Variants in LAMTOR1 observed in about 807,000 individuals in gnomAD.
LAMTOR1 encodes ragulator complex protein LAMTOR1.
In LAMTOR1, 8 loss-of-function variants were observed where a neutral mutation model predicts 20.5. That is an observed-to-expected ratio of 0.39 (90% CI 0.23 to 0.70). LAMTOR1 has a LOEUF of 0.70. LAMTOR1 is among the 30% of genes least tolerant of loss of function. The pLI is 0.43. For missense variants in LAMTOR1, 135 were observed against 206.2 expected (o/e 0.65, Z 2.11); for synonymous variants, 77 against 80.9 (o/e 0.95, Z 0.26).
At chr11:72,101,841 A>G (rs533352552) in intron 1 of LAMTOR1, among the ~76,000 whole-genome samples, 82 of 152,306 alleles carry the variant, frequency 5.4e-4, no homozygotes, top group South Asian at 2.1e-3. Flanking sequence ...AGAAGCTTGT[A>G]TCCTTTCTCA....
intron 3 of LAMTOR1, 139 bp from the exon 4 acceptor site, chr11:72,098,554 C>T: frequency 1.8e-6 from 2 of 1,101,876 alleles, no homozygotes; most frequent in South Asian, 3.1e-5. Flanking sequence ...CAGCTCATCA[C>T]AGACTCAATC....
chr11:72,099,333 G>C, intron 1 of LAMTOR1, 77 bp from the exon 2 acceptor site: 1 of 1,460,296 alleles, frequency 6.8e-7, no homozygotes, highest in South Asian at 1.4e-5. Context: ...CCTTAGCCCA[G>C]CTCTGACCTT....
In LAMTOR1 at chr11:72,097,662, C is replaced by T; in HGVS notation, c.*160G>A. The T allele has an allele frequency of 6.7e-7, 1 of 1,489,894 alleles. No individual in the cohort carries two copies. 92.3% of individuals were successfully genotyped at this position (1,489,894 alleles called of 1,614,324 possible). A position where few individuals can be genotyped will look rare whatever the true frequency, so the allele number is the denominator to read the frequency against. On this transcript the variant is annotated 3_prime_UTR_variant, in exon 5 of 5. Coordinates refer to ENST00000278671, the MANE Select transcript of LAMTOR1 (RefSeq NM_017907.3). ...TCCCAAAAGGTTCTACCCTCACTTG[C>T]TCAGGCTTCTAGCCTTCCTCTTCTC...
rs1360728849 is a variant in LAMTOR1, at chr11:72,099,209, G to C, written c.90C>G (p.Thr30=). Residue 30 remains threonine, a synonymous_variant, in exon 2 of 5, where the codon ACC becomes ACG. Coordinates refer to ENST00000278671, the MANE Select transcript of LAMTOR1 (RefSeq NM_017907.3). The stretch of plus-strand genomic sequence containing the variant: ...TGGGCTCGGCTCCATTGAGAGCTTT[G>C]GTAGGGGGGCTGCTAGGGTCCAGCA... The part of the protein sequence containing the change: ...KLLLDPSSPP[T]KALNGAEPNY... The C allele has an allele frequency of 1.2e-6, 2 of 1,608,682 alleles. No individual in the cohort carries two copies. Among genetic ancestry groups the C allele is most frequent in the Admixed American group, 1.7e-5 (1 of 59,386 alleles).
chr11:72,099,516 A>G (rs1458834752), intron 1 of LAMTOR1, among the ~76,000 whole-genome samples: 1 of 152,200 alleles, frequency 6.6e-6, no homozygotes, highest in African/African-American at 2.4e-5. Flanking sequence ...AGAGGCACAA[A>G]GCAGGTAGTC....
At position 72,099,242 on chromosome 11, in the gene LAMTOR1, C is replaced by T. The variant is rs754992824; in HGVS notation, c.57G>A (p.Arg19=). 1 of 1,584,444 alleles carries T rather than the reference C, an allele frequency of 6.3e-7. No individual in the cohort carries two copies. The highest frequency in any genetic ancestry group is 2.2e-5 in the East Asian group (1 of 44,514). Residue 19 remains arginine (R), a synonymous_variant, in exon 2 of 5, where the codon CGG becomes CGA. Coordinates refer to ENST00000278671, the MANE Select transcript of LAMTOR1 (RefSeq NM_017907.3). ...NEDSDQDREE[R]KLLLDPSSPP... ...GGCTGCTAGGGTCCAGCAGCAGCTT[C>T]CGCTCCTCTCGGTCCTAGAAGTGGT...
intron 3 of LAMTOR1, 173 bp downstream of exon 3, chr11:72,098,608 G>A (rs1432752068): frequency 1.2e-6 from 1 of 808,538 alleles, no homozygotes; most frequent in Non-Finnish European, 1.9e-6. Flanking sequence ...GAGTGTCACA[G>A]GGTAAACAGG....
In LAMTOR1 at chr11:72,097,491, G is replaced by A. The variant is rs1053511; in HGVS notation, c.*331C>T. On this transcript the variant is annotated 3_prime_UTR_variant, in exon 5 of 5. Coordinates refer to ENST00000278671, the MANE Select transcript of LAMTOR1 (RefSeq NM_017907.3). ...CAGGAGTGACTCTGAGGCCAACAGA[G>A]AGGGTGGGAAGGGGATCTCCCTAGG... 7 of 1,092,390 alleles carry A rather than the reference G, an allele frequency of 6.4e-6. No homozygotes were observed. Among genetic ancestry groups the A allele is most frequent in the Middle Eastern group, 4.1e-4 (1 of 2,460 alleles). 67.7% of individuals were successfully genotyped at this position (1,092,390 alleles called of 1,614,324 possible).
At chr11:72,101,736 A>G (rs941660548) in intron 1 of LAMTOR1, among the ~76,000 whole-genome samples, 1 of 152,324 alleles carries the variant, frequency 6.6e-6, no homozygotes, top group South Asian at 2.1e-4. Flanking sequence ...GCAGTGATTA[A>G]GCACCTTCTC....
At chr11:72,099,034 T>C in intron 2 of LAMTOR1, 77 bp downstream of exon 2, 2 of 1,572,744 alleles carry the variant, frequency 1.3e-6, no homozygotes, top group Non-Finnish European at 1.7e-6. Flanking sequence ...CCCCATGTCC[T>C]GAGCCTGGCT....
Position 72,097,601 on chromosome 11 carries a change from C to A in LAMTOR1, c.*221G>T. The A allele has an allele frequency of 7.3e-7, 1 of 1,367,814 alleles. No individual in the cohort carries two copies. The highest frequency in any genetic ancestry group is 9.5e-7 in the Non-Finnish European group (1 of 1,057,898). The allele number at this position is 1,367,814 out of a possible 1,614,324, so 84.7% of individuals were successfully genotyped here. On this transcript the variant is annotated 3_prime_UTR_variant, in exon 5 of 5. Coordinates refer to ENST00000278671, the MANE Select transcript of LAMTOR1 (RefSeq NM_017907.3). ...ACATACCAGGCTCTGTCCTTTTGGC[C>A]CCCACCCCATCCCTGGCCAGAGCTT...
chr11:72,097,869 G>A lies in LAMTOR1; in HGVS notation c.439C>T (p.Arg147Cys), dbSNP rs1267444953. Residue 147 changes from arginine (R) to cysteine (C), a missense_variant, in exon 5 of 5, where the codon CGT becomes TGT. Physicochemically the swap from Arg to Cys is radical, Grantham distance 180. Transcript: ENST00000278671. ...ACCAGCTCCTCTTTTGCGTCCACAC[G>A]GATCTGAGAAAGTGCACTGTAGGCA... Reference protein sequence around the residue: ...AYAYSALSQIRVDAKEELVVQ... With the variant: ...AYAYSALSQICVDAKEELVVQ... 16 of 1,612,208 alleles carry A rather than the reference G, an allele frequency of 9.9e-6. No homozygotes were observed. Among genetic ancestry groups the A allele is most frequent in the East Asian group, 2.2e-5 (1 of 44,812 alleles).
In LAMTOR1 at chr11:72,099,168, G is replaced by A. The variant is rs773514977; in HGVS notation, c.131C>T (p.Pro44Leu). 58 of 1,613,698 alleles carry A rather than the reference G, an allele frequency of 3.6e-5. No homozygotes were observed. Among genetic ancestry groups the A allele is most frequent in the Admixed American group, 6.7e-5 (4 of 59,966 alleles). ...GGCCTGCTCATCAGTGCGAGCGGAA[G>A]GCAGGCTGTGGTAGTTGGGCTCGGC... ...NGAEPNYHSL[P>L]SARTDEQALL... is the part of the protein sequence containing the mutation. The change falls in exon 2 of 5, where the codon CCT becomes CTT. Residue 44 changes from proline to leucine, a missense_variant. Coordinates refer to ENST00000278671, the MANE Select transcript of LAMTOR1 (RefSeq NM_017907.3).
chr11:72,102,510 G>A (rs992287217), intron 1 of LAMTOR1, among the ~76,000 whole-genome samples: 1 of 152,226 alleles, frequency 6.6e-6, no homozygotes, highest in Non-Finnish European at 1.5e-5. Flanking sequence ...GCCCCAGGCA[G>A]ACTGCACTGA....
intron 1 of LAMTOR1, 37 bp downstream of exon 1, chr11:72,103,146 A>G (rs1456541977): frequency 6.4e-7 from 1 of 1,572,102 alleles, no homozygotes. Context: ...CCAGTGTCTT[A>G]GCCCTCATTC....
chr11:72,099,950 T>C (rs940573779), intron 1 of LAMTOR1, among the ~76,000 whole-genome samples: 2 of 152,158 alleles, frequency 1.3e-5, no homozygotes, highest in Admixed American at 6.5e-5. Context: ...TGAGTGTACA[T>C]GGTGTATCCT....
In LAMTOR1 at chr11:72,097,895, T is replaced by A. The variant is rs765114327; in HGVS notation, c.413A>T (p.Tyr138Phe). ...DLQQVSRIAAYAYSALSQIRV... is the reference protein window; with the variant it reads ...DLQQVSRIAAFAYSALSQIRV... Reference sequence around the variant, plus strand: ...GATCTGAGAAAGTGCACTGTAGGCATAAGCAGCTATCCTGGAGACCTGAGA... The same window carrying A: ...GATCTGAGAAAGTGCACTGTAGGCAAAAGCAGCTATCCTGGAGACCTGAGA... Residue 138 changes from tyrosine to phenylalanine, a missense_variant, in exon 5 of 5, where the codon TAT (tyrosine) becomes TTT (phenylalanine). Tyr to Phe is a conservative substitution (Grantham distance 22). Coordinates refer to ENST00000278671, the MANE Select transcript of LAMTOR1 (RefSeq NM_017907.3). 6.2e-7 allele frequency: 1 copy of A among 1,604,552 alleles called. No homozygotes were observed. The highest frequency in any genetic ancestry group is 8.5e-7 in the Non-Finnish European group (1 of 1,173,088).
At chr11:72,101,036 A>G (rs1174990360) in intron 1 of LAMTOR1, among the ~76,000 whole-genome samples, 2 of 152,248 alleles carry the variant, frequency 1.3e-5, no homozygotes, top group South Asian at 2.1e-4. Context: ...TTAGCTTCCT[A>G]TGTGTCTGTC....
intron 4 of LAMTOR1, 139 bp downstream of exon 4, chr11:72,098,150 G>A (rs1040775925): frequency 8.6e-7 from 1 of 1,159,384 alleles, no homozygotes; most frequent in Middle Eastern, 2.1e-4. Context: ...AACGAGGTGG[G>A]AGGGAGCTGG....
Sources: gnomAD v4.1 joint callset for allele counts (sites outside exome capture counted in the v4.1 genomes callset) on GRCh38, gnomAD v4.1.1 for gene constraint, MANE v1.5 for transcripts, NCBI Gene and HGNC (gene_info 2026-07-23, HGNC 2026-07-21) for gene names.